FANK1: variants seen among roughly 807,000 people sequenced by gnomAD.
The protein encoded by FANK1 is fibronectin type III and ankyrin repeat domains 1.
Under a neutral mutation model 45.3 loss-of-function variants are expected in FANK1, and 44 were observed. The observed-to-expected ratio is 0.97, with a 90% CI of 0.76 to 1.25. The LOEUF (loss-of-function observed/expected upper bound fraction) is 1.25. Ranked by LOEUF, FANK1 falls within the 50% of genes most tolerant of loss-of-function variation. The pLI is 0.00. For missense variants in FANK1, 391 were observed against 424.4 expected (o/e 0.92, Z 0.69); for synonymous variants, 149 against 152.5 (o/e 0.98, Z 0.17).
At chr10:125,902,296 G>A (rs1012496714) in intron 1 of FANK1, among the ~76,000 whole-genome samples, 8 of 152,094 alleles carry the variant, frequency 5.3e-5, no homozygotes, top group Admixed American at 3.3e-4. Context: ...TTCTTCACTC[G>A]ACTGTAGGGT....
intron 1 of FANK1, among the ~76,000 whole-genome samples, chr10:125,950,700 T>C (rs372175154): frequency 3.3e-5 from 5 of 151,914 alleles, no homozygotes; most frequent in South Asian, 4.2e-4. Flanking sequence ...CCTCAGGGAT[T>C]TAGAACTAGA....
intron 3 of FANK1, chr10:125,994,326 T>A (rs1180716159): frequency 1.1e-6 from 1 of 908,432 alleles, no homozygotes; most frequent in Non-Finnish European, 1.3e-6. Context: ...TTAGCTCTTT[T>A]CATGCTAACC....
intron 1 of FANK1, among the ~76,000 whole-genome samples, chr10:125,909,487 G>A (rs1038064917): frequency 5.3e-5 from 8 of 150,466 alleles, no homozygotes; most frequent in African/African-American, 2.0e-4. Context: ...TTTTGAGATG[G>A]ATGCTTAGAT....
At chr10:125,987,882 A>T (rs1469465504) in intron 2 of FANK1, among the ~76,000 whole-genome samples, 2 of 152,050 alleles carry the variant, frequency 1.3e-5, no homozygotes, top group Non-Finnish European at 2.9e-5. Context: ...ACTGCAAATG[A>T]TGAGACTCAG....
At chr10:125,939,529 CT>C (rs1948312384) in intron 1 of FANK1, among the ~76,000 whole-genome samples, 1 of 152,108 alleles carries the variant, frequency 6.6e-6, no homozygotes, top group Admixed American at 6.6e-5. Context: ...TTGCAATATT[CT>C]TTTATCTTTC....
chr10:125,934,097 A>G (rs1564887464), intron 1 of FANK1, among the ~76,000 whole-genome samples: 1 of 152,102 alleles, frequency 6.6e-6, no homozygotes, highest in Non-Finnish European at 1.5e-5. Flanking sequence ...TTGGTTTTGG[A>G]AATAAGTATA....
At chr10:125,947,912 A>G (rs550429058) in intron 1 of FANK1, among the ~76,000 whole-genome samples, 137 of 145,032 alleles carry the variant, frequency 9.4e-4, no homozygotes, top group African/African-American at 3.2e-3. Flanking sequence ...ATAACAAACT[A>G]TCTCTCAGAC....
intron 1 of FANK1, among the ~76,000 whole-genome samples, chr10:125,957,667 G>GGCACCCGGCACC (rs1554931689): frequency 1.3e-5 from 2 of 151,942 alleles, no homozygotes; most frequent in African/African-American, 4.8e-5. Context: ...TGGGACTACA[G>GGCACCCGGCACC]GCACCCGGCA....
intron 2 of FANK1, among the ~76,000 whole-genome samples, chr10:125,987,101 G>C (rs1178190469): frequency 1.3e-5 from 2 of 152,118 alleles, no homozygotes; most frequent in Non-Finnish European, 2.9e-5. Flanking sequence ...CCCTTGCTCA[G>C]TTGTCCCTTC....
chr10:125,946,278 GAGA>G (rs1284110140), intron 1 of FANK1, among the ~76,000 whole-genome samples: 6 of 151,350 alleles, frequency 4.0e-5, no homozygotes, highest in Non-Finnish European at 7.4e-5. Flanking sequence ...GACGAGCTGA[GAGA>G]AGAAGGCTTC....
intron 1 of FANK1, among the ~76,000 whole-genome samples, chr10:125,976,759 A>T (rs1056570602): frequency 9.2e-5 from 14 of 151,984 alleles, no homozygotes; most frequent in African/African-American, 2.7e-4. Flanking sequence ...AGTAGCTGGG[A>T]CTACAGGTGC....
At chr10:125,986,949 G>C (rs1307576487) in intron 2 of FANK1, among the ~76,000 whole-genome samples, 1 of 152,222 alleles carries the variant, frequency 6.6e-6, no homozygotes, top group Non-Finnish European at 1.5e-5. Flanking sequence ...TCCTTTAGGA[G>C]AAAGAATCCA....
rs534754409 is a variant in FANK1 at position 125,999,072 on chromosome 10, G to A, written c.539+1587G>A. 3.9e-4 allele frequency among the ~76,000 whole-genome samples: 59 copies of A among 152,306 alleles called. 1 individual carries two copies. The highest frequency in any genetic ancestry group is 7.1e-4 in the Non-Finnish European group (48 of 68,030). On this transcript the variant is annotated intron_variant, in intron 6 of 10. Coordinates refer to ENST00000368693, the MANE Select transcript of FANK1 (RefSeq NM_145235.5). ...CATCCCTCCTATGAGGGCCATACCA[G>A]AGGGTAAGGTATTAGGAAATTTTTT...
At chr10:125,956,097 C>G (rs1421196594) in intron 1 of FANK1, among the ~76,000 whole-genome samples, 1 of 149,218 alleles carries the variant, frequency 6.7e-6, no homozygotes, top group Non-Finnish European at 1.5e-5. Flanking sequence ...AAGAATTTTG[C>G]TGTATCACAG....
chr10:125,994,514 C>T (rs11244754), intron 3 of FANK1: 246,907 of 985,098 alleles, frequency 0.25, 31,855 homozygotes, highest in East Asian at 0.31. Context: ...TATCCACTGA[C>T]GATGGTAGCT....
chr10:125,995,302 G>T lies in FANK1; in HGVS notation c.317-115G>T, dbSNP rs1414085859. On this transcript the variant is annotated intron_variant, in intron 3 of 10. Coordinates refer to ENST00000368693, the MANE Select transcript of FANK1 (RefSeq NM_145235.5). ...AGGAAATGTAAGATATACTTAACAG[G>T]AATAGCCAAGCGCCTTCCTGAAGAT... 3 of 881,398 alleles carry T rather than the reference G, an allele frequency of 3.4e-6. No homozygotes were observed. The East Asian group carries it at 7.7e-5, about 23-fold the overall frequency. 54.6% of individuals were successfully genotyped at this position (881,398 alleles called of 1,614,324 possible). A position where few individuals can be genotyped will look rare whatever the true frequency, so the allele number is the denominator to read the frequency against.
At chr10:125,932,555 A>G (rs1336844840) in intron 1 of FANK1, among the ~76,000 whole-genome samples, 2 of 152,022 alleles carry the variant, frequency 1.3e-5, no homozygotes, top group East Asian at 3.8e-4. Context: ...TGATTTGTGT[A>G]CATTAATCTT....
intron 1 of FANK1, among the ~76,000 whole-genome samples, chr10:125,909,000 C>T (rs531024918): frequency 1.3e-3 from 195 of 152,362 alleles, no homozygotes; most frequent in African/African-American, 3.7e-3. Context: ...TGCAGTCATC[C>T]GAAGGCTTGA....
chr10:126,009,534 AT>A lies in FANK1; in HGVS notation c.*99del. 1 of 1,287,212 alleles carries A rather than the reference AT, an allele frequency of 7.8e-7. No homozygotes were observed. The highest frequency in any genetic ancestry group is 1.1e-6 in the Non-Finnish European group (1 of 917,896). 79.7% of individuals were successfully genotyped at this position (1,287,212 alleles called of 1,614,324 possible). On this transcript the variant is annotated 3_prime_UTR_variant, in exon 11 of 11. Transcript: ENST00000368693. ...AATTCTGCATCTTGGGGGGCTGTACATTTATTTATTTAGTTGAAGATTCACT... is the reference window on the plus strand; with the variant it reads ...AATTCTGCATCTTGGGGGGCTGTACATTATTTATTTAGTTGAAGATTCACT...
Sources: allele counts gnomAD v4.1 joint callset (sites outside exome capture counted in the v4.1 genomes callset), GRCh38; gene constraint gnomAD v4.1.1; transcripts MANE v1.5; gene names NCBI Gene and HGNC (gene_info 2026-07-23, HGNC 2026-07-21).